The following ARAP3 variants were observed in gnomAD, a reference collection of about 807,000 sequenced individuals.
ARAP3 encodes arf-GAP with Rho-GAP domain, ANK repeat and PH domain-containing protein 3.
A neutral mutation model predicts 169.2 loss-of-function variants in ARAP3; 82 were observed. The observed-to-expected ratio is 0.48, with a 90% CI of 0.41 to 0.58. The LOEUF is 0.58. ARAP3 is among the 20% of genes least tolerant of loss of function. ARAP3 has a pLI of 0.00. For synonymous variants in ARAP3, 791 were observed against 800.3 expected, an observed-to-expected ratio of 0.99 and a Z score of 0.20; for missense variants, 1,764 against 2,018.0, an observed-to-expected ratio of 0.87 and a Z score of 2.41.
rs75896436 is a variant in ARAP3 at position 141,676,614 on chromosome 5, C to T, written c.699-2806G>A. 3.9e-5 allele frequency among the ~76,000 whole-genome samples: 6 copies of T among 152,162 alleles called. No homozygotes were observed. The East Asian group carries it at 1.2e-3, about 29-fold the overall frequency. On this transcript the variant is annotated intron_variant, in intron 4 of 32. Coordinates refer to ENST00000239440, the MANE Select transcript of ARAP3 (RefSeq NM_022481.6). ...CTCAGCAGCGTAGGACACAGCTGGCCTCTCCCTTCTTCTTCTACATTTTCC... is the reference window on the plus strand; with the variant it reads ...CTCAGCAGCGTAGGACACAGCTGGCTTCTCCCTTCTTCTTCTACATTTTCC...
chr5:141,673,376 A>G (rs2099911709), intron 6 of ARAP3, 25 bp downstream of exon 6: 1 of 1,613,178 alleles, frequency 6.2e-7, no homozygotes, highest in Non-Finnish European at 8.5e-7. Context: ...TCATCTCCAT[A>G]TCGTCACATC....
At position 141,655,225 on chromosome 5, in the gene ARAP3, TACACACACACACACACAC is replaced by T. The variant is rs148481472; in HGVS notation, c.4149+119_4149+136del. The T allele has an allele frequency of 1.2e-5, 6 of 489,108 alleles. No individual in the cohort carries two copies. In the East Asian group the frequency reaches 1.7e-4, roughly 14 times the overall value. The allele number at this position is 489,108 out of a possible 1,614,324, so 30.3% of individuals were successfully genotyped here. A position where few individuals can be genotyped will look rare whatever the true frequency, so the allele number is the denominator to read the frequency against. Reference sequence around the variant, plus strand: ...CACACACACACACACCCTGATGGCCTACACACACACACACACACACACACACACACACACCCCCTGATG... The same window carrying T: ...CACACACACACACACCCTGATGGCCTACACACACACACACACCCCCTGATG... On this transcript the variant is annotated intron_variant, in intron 32 of 32. Coordinates refer to ENST00000239440, the MANE Select transcript of ARAP3 (RefSeq NM_022481.6).
Position 141,679,605 on chromosome 5 carries a change from G to A in ARAP3, c.638C>T (p.Thr213Ile). ...CLYYGVQPVG[T>I]PGAPDRRESR... ...CTCTCTTCTGTCGGGGGCTCCTGGAGTCCCCACAGGTTGGACACCATAGTA... is the reference window on the plus strand; with the variant it reads ...CTCTCTTCTGTCGGGGGCTCCTGGAATCCCCACAGGTTGGACACCATAGTA... Residue 213 changes from threonine to isoleucine, a missense_variant, in exon 4 of 33, where the codon ACT becomes ATT. Coordinates refer to ENST00000239440, the MANE Select transcript of ARAP3 (RefSeq NM_022481.6). 1.2e-6 allele frequency: 2 copies of A among 1,614,092 alleles called. No individual in the cohort carries two copies. The highest frequency in any genetic ancestry group is 8.5e-7 in the Non-Finnish European group (1 of 1,180,016).
chr5:141,660,551 C>T (rs1163684968), intron 21 of ARAP3, among the ~76,000 whole-genome samples: 2 of 151,424 alleles, frequency 1.3e-5, no homozygotes, highest in East Asian at 1.9e-4. Flanking sequence ...ACTTTATGTA[C>T]AAAACTTTAT....
intron 13 of ARAP3, among the ~76,000 whole-genome samples, chr5:141,670,901 C>T (rs1305696850): frequency 6.6e-6 from 1 of 152,208 alleles, no homozygotes; most frequent in Admixed American, 6.5e-5. Context: ...GTGAGCACCT[C>T]AGGGCATGTA....
rs1486715090 is a variant in ARAP3 at position 141,669,745 on chromosome 5, A to G, written c.2316T>C (p.Ala772=). The change falls in exon 16 of 33, where the codon GCT becomes GCC. Residue 772 remains alanine, a synonymous_variant. Coordinates refer to ENST00000239440, the MANE Select transcript of ARAP3 (RefSeq NM_022481.6). ...GRIQHFGTDG[A]DSLEAWTSAV... ...CACTAGTCCAGGCCTCCAGACTGTC[A>G]GCTCCATCTGTGCCAAAATGCTGGA... 1 of 1,614,002 alleles carries G rather than the reference A, an allele frequency of 6.2e-7. No homozygotes were observed. The highest frequency in any genetic ancestry group is 1.3e-5 in the African/African-American group (1 of 74,910).
In ARAP3 at chr5:141,680,291, T is replaced by C; in HGVS notation, c.196A>G (p.Thr66Ala). 1 of 1,614,222 alleles carries C rather than the reference T, an allele frequency of 6.2e-7. No homozygotes were observed. Among genetic ancestry groups the C allele is most frequent in the Non-Finnish European group, 8.5e-7 (1 of 1,180,026 alleles). The change falls in exon 2 of 33, where the codon ACC becomes GCC. Residue 66 changes from threonine to alanine, a missense_variant. Thr to Ala is a moderately conservative substitution (Grantham distance 58). Coordinates refer to ENST00000239440, the MANE Select transcript of ARAP3 (RefSeq NM_022481.6). ...KRILRLLQTG[T>A]EEGSLDPKSD... is the part of the protein sequence containing the mutation. ...TTGGGATCCAGGGAGCCCTCTTCGG[T>C]GCCTGTCTGTAGCAGGCGTAGAATG...
chr5:141,672,526 T>C lies in ARAP3; in HGVS notation c.1385+26A>G. 1 of 1,612,586 alleles carries C rather than the reference T, an allele frequency of 6.2e-7. No individual in the cohort carries two copies. The highest frequency in any genetic ancestry group is 8.5e-7 in the Non-Finnish European group (1 of 1,179,194). ...TGCCTCCCGCAAAAGTCCCCCAGCC[T>C]TGCCTCCCACTGGCCCAGGCCCCAC... On this transcript the variant is annotated intron_variant, in intron 9 of 32. Coordinates refer to ENST00000239440, the MANE Select transcript of ARAP3 (RefSeq NM_022481.6). This position sits in a 1 kb window ranked among gnomAD's most constrained non-coding sequence, Gnocchi z 4.9.
chr5:141,655,421 G>T, intron 31 of ARAP3, 21 bp from the exon 32 acceptor site: 1 of 1,586,856 alleles, frequency 6.3e-7, no homozygotes, highest in Non-Finnish European at 8.6e-7. Flanking sequence ...GTGGGGTGGG[G>T]ACAAGGGGAA....
At chr5:141,654,469 T>C (rs769369247) in intron 32 of ARAP3, 34 bp from the exon 33 acceptor site, 17 of 1,521,182 alleles carry the variant, frequency 1.1e-5, no homozygotes, top group East Asian at 2.3e-5. Flanking sequence ...AGTGGGCACA[T>C]AGTTAAAGTT....
rs754482035 is a variant in ARAP3 at position 141,661,721 on chromosome 5, G to A, written c.3082C>T (p.Arg1028Cys). The A allele has an allele frequency of 3.7e-6, 6 of 1,614,104 alleles. No homozygotes were observed. In the African/African-American group the frequency reaches 4.0e-5, roughly 11 times the overall value. Reference sequence around the variant, plus strand: ...CCAATGAGGGTGGCCAGTGTGCGGCGGTTGACCCGCGGCAGGCAGCCAATC... The same window carrying A: ...CCAATGAGGGTGGCCAGTGTGCGGCAGTTGACCCGCGGCAGGCAGCCAATC... ...DVIGCLPRVN[R>C]RTLATLIGHL... The change falls in exon 21 of 33, where the codon CGC becomes TGC. Residue 1028 changes from arginine to cysteine, a missense_variant. Arg to Cys is a radical substitution (Grantham distance 180, BLOSUM62 -3). Transcript: ENST00000239440.
rs767869514 is a variant in ARAP3, at chr5:141,664,947, G to A, written c.2775C>T (p.Ala925=). 5 of 1,606,146 alleles carry A rather than the reference G, an allele frequency of 3.1e-6. No homozygotes were observed. In the South Asian group the frequency reaches 4.4e-5, roughly 14 times the overall value. The change falls in exon 19 of 33, where the codon GCC becomes GCT. Residue 925 remains alanine, a synonymous_variant. Coordinates refer to ENST00000239440, the MANE Select transcript of ARAP3 (RefSeq NM_022481.6). ...SRGDIPIIVD[A]CISFVTQHGL... is the part of the protein sequence containing the mutation. The stretch of plus-strand genomic sequence containing the variant: ...CATGCTGGGTAACAAAACTGATGCA[G>A]GCATCCACGATGATGGGGATGTCAC...
intron 13 of ARAP3, 86 bp from the exon 14 acceptor site, chr5:141,670,714 G>C: frequency 8.7e-7 from 1 of 1,149,796 alleles, no homozygotes; most frequent in South Asian, 1.3e-5. Context: ...AATGGAGAAA[G>C]ACAGTGGGAC....
At position 141,653,951 on chromosome 5, in the gene ARAP3, C is replaced by CA. The variant is rs757201366; in HGVS notation, c.4633dup (p.Ter1545LeufsTer8). The CA allele has an allele frequency of 5.9e-6, 9 of 1,525,988 alleles. No homozygotes were observed. In the Admixed American group the frequency reaches 8.7e-5, roughly 15 times the overall value. The allele number at this position is 1,525,988 out of a possible 1,614,324, so 94.5% of individuals were successfully genotyped here. A position where few individuals can be genotyped will look rare whatever the true frequency, so the allele number is the denominator to read the frequency against. On this transcript the variant is annotated frameshift_variant and stop_lost, in exon 33 of 33. Transcript: ENST00000239440. LOFTEE classifies it high-confidence loss of function. ...CCTCTCAGACTGCTGGTCCTAGGGT[C>CA]ATGTGAGGGGCTGGCTGGAGGGTGG... is the stretch of plus-strand genomic sequence containing the variant.
intron 17 of ARAP3, 73 bp downstream of exon 17, chr5:141,666,351 A>G (rs563165501): frequency 3.8e-6 from 5 of 1,323,452 alleles, no homozygotes; most frequent in Non-Finnish European, 4.0e-6. Flanking sequence ...AGAACCCCCA[A>G]ATAATAAAGG....
intron 6 of ARAP3, 103 bp downstream of exon 6, chr5:141,673,298 G>T: frequency 6.4e-7 from 1 of 1,553,220 alleles, no homozygotes; most frequent in Non-Finnish European, 8.8e-7. Flanking sequence ...TGCAGTCACT[G>T]CCCCGCCCAC....
intron 19 of ARAP3, among the ~76,000 whole-genome samples, chr5:141,663,659 G>A (rs978709768): frequency 8.5e-5 from 13 of 152,336 alleles, no homozygotes; most frequent in African/African-American, 3.1e-4. Context: ...GAGAGAGGCT[G>A]AGAAGAGGAT....
chr5:141,673,301 C>A, intron 6 of ARAP3, 100 bp downstream of exon 6: 1 of 1,558,860 alleles, frequency 6.4e-7, no homozygotes, highest in Non-Finnish European at 8.8e-7. Flanking sequence ...AGTCACTGCC[C>A]CGCCCACACA....
At position 141,665,379 on chromosome 5, in the gene ARAP3, G is replaced by A. The variant is rs895305462; in HGVS notation, c.2573-5C>T. 8 of 1,614,010 alleles carry A rather than the reference G, an allele frequency of 5.0e-6. No homozygotes were observed. Among genetic ancestry groups the A allele is most frequent in the African/African-American group, 1.3e-5 (1 of 74,924 alleles). The stretch of plus-strand genomic sequence containing the variant: ...TGTCAGCTGCAGAAACCACACCTGG[G>A]AGGAGAATCAGTGGACATTTTCATG... On this transcript the variant is annotated splice_region_variant and splice_polypyrimidine_tract_variant and intron_variant, in intron 17 of 32. Transcript: ENST00000239440.
Sources: allele counts gnomAD v4.1 joint callset (sites outside exome capture counted in the v4.1 genomes callset), GRCh38; gene constraint gnomAD v4.1.1; non-coding constraint Gnocchi (gnomAD v3.1); transcripts MANE v1.5; gene names NCBI Gene and HGNC (gene_info 2026-07-23, HGNC 2026-07-21).